Variants in DHRSX observed in about 807,000 individuals in gnomAD.
DHRSX encodes the protein dehydrogenase/reductase X-linked.
Under a neutral mutation model 34.0 loss-of-function variants are expected in DHRSX, and 31 were observed. The ratio of observed to expected loss-of-function variants is 0.91; its 90% CI spans 0.69 to 1.23. DHRSX has a LOEUF of 1.23. Among genes scored for constraint, DHRSX ranks in the 50% most tolerant of loss-of-function variants. The pLI is 0.00. For synonymous variants in DHRSX, 201 were observed against 183.8 expected (o/e 1.09, Z -0.76); for missense variants, 414 against 428.1 (o/e 0.97, Z 0.29).
chrX:2,363,725 A>G (rs1437996934), intron 3 of DHRSX, among the ~76,000 whole-genome samples: 1 of 151,544 alleles, frequency 6.6e-6, no homozygotes, highest in East Asian at 2.0e-4. Context: ...TCACCGTTCT[A>G]TGGTATCATG....
At chrX:2,263,512 CTTTTTTTTTT>C (rs775187535) in intron 5 of DHRSX, among the ~76,000 whole-genome samples, 1 of 130,460 alleles carries the variant, frequency 7.7e-6, no homozygotes, top group Non-Finnish European at 1.6e-5. Flanking sequence ...ATTTTTCTTT[CTTTTTTTTTT>C]TTTTTTTTGA....
At chrX:2,324,321 CA>C (rs1224592899) in intron 3 of DHRSX, among the ~76,000 whole-genome samples, 1 of 152,160 alleles carries the variant, frequency 6.6e-6, no homozygotes, top group East Asian at 1.9e-4. Flanking sequence ...GATGAAGCTG[CA>C]CAGAGCTCCG....
At chrX:2,243,625 T>C (rs1348182740) in intron 5 of DHRSX, among the ~76,000 whole-genome samples, 2 of 151,802 alleles carry the variant, frequency 1.3e-5, no homozygotes, top group African/African-American at 4.8e-5. Flanking sequence ...TAGCTGGGAC[T>C]ACAGGTGCCC....
intron 1 of DHRSX, among the ~76,000 whole-genome samples, chrX:2,477,492 T>C (rs1169477740): frequency 6.6e-6 from 1 of 152,186 alleles, no homozygotes; most frequent in African/African-American, 2.4e-5. Flanking sequence ...GGAAGGTGGA[T>C]GACTCATTTG....
chrX:2,349,673 T>C (rs1447452229), intron 3 of DHRSX, among the ~76,000 whole-genome samples: 1 of 133,036 alleles, frequency 7.5e-6, no homozygotes, highest in East Asian at 2.4e-4. Flanking sequence ...GGCGACAGAG[T>C]GACACTCAGT....
intron 1 of DHRSX, among the ~76,000 whole-genome samples, chrX:2,453,186 G>T (rs2044248971): frequency 6.6e-6 from 1 of 152,094 alleles, no homozygotes; most frequent in Non-Finnish European, 1.5e-5. Context: ...AATGCAGAGG[G>T]TACAATGGTT....
intron 3 of DHRSX, among the ~76,000 whole-genome samples, chrX:2,319,147 G>T (rs1021741987): frequency 1.8e-4 from 28 of 152,032 alleles, no homozygotes; most frequent in African/African-American, 6.3e-4. Flanking sequence ...ACATACATCT[G>T]AACTGAGCAG....
intron 3 of DHRSX, among the ~76,000 whole-genome samples, chrX:2,345,516 G>T (rs2042695192): frequency 6.6e-6 from 1 of 151,806 alleles, no homozygotes; most frequent in Non-Finnish European, 1.5e-5. Context: ...GCGTGGTGGT[G>T]TGTGCCTATA....
At chrX:2,416,175 C>T (rs73173708) in intron 2 of DHRSX, among the ~76,000 whole-genome samples, 10,691 of 151,944 alleles carry the variant, frequency 0.07, 552 homozygotes, top group Non-Finnish European at 0.12. Context: ...CTGACCAACA[C>T]AACTAGTCCT....
chrX:2,433,931 C>T (rs1172265136), intron 1 of DHRSX, among the ~76,000 whole-genome samples: 2 of 152,102 alleles, frequency 1.3e-5, no homozygotes, highest in South Asian at 2.1e-4. Context: ...CCCGCCACCA[C>T]GCCCGGCTAA....
At chrX:2,480,232 A>G (rs1308983685) in intron 1 of DHRSX, among the ~76,000 whole-genome samples, 1 of 151,730 alleles carries the variant, frequency 6.6e-6, no homozygotes, top group African/African-American at 2.4e-5. Context: ...TGGGACTGGA[A>G]GATACAATGT....
chrX:2,483,471 G>C (rs1236653881), intron 1 of DHRSX, among the ~76,000 whole-genome samples: 1 of 151,914 alleles, frequency 6.6e-6, no homozygotes, highest in East Asian at 1.9e-4. Flanking sequence ...GTTTGGCCAT[G>C]TTGCCCAGGC....
At chrX:2,227,738 G>A (rs1194572699) in intron 6 of DHRSX, among the ~76,000 whole-genome samples, 1 of 1,618 alleles carries the variant, frequency 6.2e-4, no homozygotes, top group Non-Finnish European at 1.1e-3. Context: ...GAGGGAGGGA[G>A]GGAAGGATGG....
chrX:2,498,614 T>C (rs2045338606), intron 1 of DHRSX, among the ~76,000 whole-genome samples: 1 of 135,152 alleles, frequency 7.4e-6, no homozygotes. Context: ...TGTTGTTTAA[T>C]CAGTAAATGG....
At chrX:2,327,696 C>A (rs1335195673) in intron 3 of DHRSX, among the ~76,000 whole-genome samples, 1 of 152,086 alleles carries the variant, frequency 6.6e-6, no homozygotes, top group Non-Finnish European at 1.5e-5. Context: ...AGAATGTCAC[C>A]ATATTTGGAG....
chrX:2,321,985 T>A (rs2042317465), intron 3 of DHRSX, among the ~76,000 whole-genome samples: 1 of 152,180 alleles, frequency 6.6e-6, no homozygotes. Flanking sequence ...TTTTTAATTA[T>A]CTTTCCATAA....
At chrX:2,323,346 G>GT (rs1290926583) in intron 3 of DHRSX, among the ~76,000 whole-genome samples, 3 of 152,118 alleles carry the variant, frequency 2.0e-5, no homozygotes, top group African/African-American at 7.2e-5. Context: ...ACAGAAACAC[G>GT]TGAGGGAAGA....
At chrX:2,373,932 G>C (rs1319570723) in intron 3 of DHRSX, among the ~76,000 whole-genome samples, 1 of 151,922 alleles carries the variant, frequency 6.6e-6, no homozygotes, top group Non-Finnish European at 1.5e-5. Flanking sequence ...CAGGAAGGAA[G>C]AAAAAAGGTC....
intron 3 of DHRSX, among the ~76,000 whole-genome samples, chrX:2,320,803 G>A (rs2042301896): frequency 6.6e-6 from 1 of 151,744 alleles, no homozygotes; most frequent in Non-Finnish European, 1.5e-5. Flanking sequence ...TTCGTGGATT[G>A]TCATTAGCTT....
Sources: gnomAD v4.1 joint callset for allele counts (sites outside exome capture counted in the v4.1 genomes callset) on GRCh38, gnomAD v4.1.1 for gene constraint, MANE v1.5 for transcripts, NCBI Gene and HGNC (gene_info 2026-07-23, HGNC 2026-07-21) for gene names.